Variants in SFI1 observed in about 807,000 individuals in gnomAD.
The protein encoded by SFI1 is protein SFI1 homolog.
A neutral mutation model predicts 207.5 loss-of-function variants in SFI1; 195 were observed. The observed-to-expected ratio is 0.94, with a 90% CI of 0.84 to 1.06. The LOEUF is 1.06. Ranked by LOEUF, SFI1 falls within the 50% of genes least tolerant of loss-of-function variation. The probability of loss-of-function intolerance (pLI) is 0.00; values close to 1 mark genes in which losing one functional copy is unlikely to be tolerated. For synonymous variants in SFI1, 630 were observed against 598.9 expected, an observed-to-expected ratio of 1.05 and a Z score of -0.76; for missense variants, 1,634 against 1,588.0, an observed-to-expected ratio of 1.03 and a Z score of -0.49.
At chr22:31,507,607 T>C (rs1243972764) in intron 1 of SFI1, among the ~76,000 whole-genome samples, 1 of 152,190 alleles carries the variant, frequency 6.6e-6, no homozygotes, top group Non-Finnish European at 1.5e-5. Context: ...TTTTGCACTC[T>C]GTCCATCTGA....
intron 8 of SFI1, among the ~76,000 whole-genome samples, chr22:31,564,814 A>ATTTTTTTT (rs776647555): frequency 0.18 from 19,613 of 111,182 alleles, 2,341 homozygotes; most frequent in East Asian, 0.36. Context: ...CTGGCCCAGA[A>ATTTTTTTT]TTTTTTTTTT....
chr22:31,559,889 A>G, intron 7 of SFI1: 4 of 657,332 alleles, frequency 6.1e-6, no homozygotes, highest in Non-Finnish European at 1.1e-5. Context: ...CCAGCACACC[A>G]AGACCACTGG....
chr22:31,599,856 C>T (rs2067820219), intron 15 of SFI1, among the ~76,000 whole-genome samples: 1 of 151,190 alleles, frequency 6.6e-6, no homozygotes, highest in Non-Finnish European at 1.5e-5. Flanking sequence ...TGTCCCCATC[C>T]TTGATGATAT....
At chr22:31,534,230 T>C (rs1285770473) in intron 4 of SFI1, among the ~76,000 whole-genome samples, 1 of 152,128 alleles carries the variant, frequency 6.6e-6, no homozygotes, top group African/African-American at 2.4e-5. Flanking sequence ...TGATCTCAGG[T>C]GATCTACCCA....
chr22:31,552,801 T>C (rs2060743052), intron 6 of SFI1, among the ~76,000 whole-genome samples: 2 of 152,276 alleles, frequency 1.3e-5, no homozygotes, highest in Admixed American at 1.3e-4. Flanking sequence ...ACCAGTGTGT[T>C]AAGTGTTCCC....
At chr22:31,548,024 C>G (rs1368922178) in intron 5 of SFI1, among the ~76,000 whole-genome samples, 1 of 151,182 alleles carries the variant, frequency 6.6e-6, no homozygotes, top group African/African-American at 2.4e-5. Context: ...ACCATCCTGG[C>G]TAACATGGTG....
chr22:31,584,097 G>A, intron 13 of SFI1, 125 bp downstream of exon 13: 1 of 786,316 alleles, frequency 1.3e-6, no homozygotes, highest in South Asian at 1.5e-5. Context: ...TGCTGGGGTG[G>A]AGGTCCTGCT....
Position 31,589,474 on chromosome 22 carries a change from T to A in SFI1, c.1441T>A (p.Phe481Ile). The change falls in exon 15 of 33, where the codon TTC (phenylalanine) becomes ATC (isoleucine). Residue 481 changes from phenylalanine (F) to isoleucine (I), a missense_variant. Coordinates refer to ENST00000400288, the MANE Select transcript of SFI1 (RefSeq NM_001007467.3). ...QLLQARADGH[F>I]QQRALPAAFH... ...GCTACAGGCCAGAGCGGATGGTCAT[T>A]TCCAGCAGAGAGCCCTGCCTGCTGC... The A allele has an allele frequency of 6.2e-7, 1 of 1,613,412 alleles. No homozygotes were observed. The highest frequency in any genetic ancestry group is 1.1e-5 in the South Asian group (1 of 90,942).
chr22:31,555,923 G>C (rs1470448142), intron 6 of SFI1, among the ~76,000 whole-genome samples: 1 of 152,126 alleles, frequency 6.6e-6, no homozygotes, highest in Non-Finnish European at 1.5e-5. Context: ...ACTACATCTT[G>C]GAGGCTGTCC....
chr22:31,501,484 A>G (rs1376927660), intron 1 of SFI1, among the ~76,000 whole-genome samples: 1 of 151,360 alleles, frequency 6.6e-6, no homozygotes, highest in Non-Finnish European at 1.5e-5. Context: ...TAACTTTTAT[A>G]TGAACTGGGA....
intron 21 of SFI1, 116 bp from the exon 22 acceptor site, chr22:31,607,821 G>T: frequency 1.3e-6 from 1 of 794,984 alleles, no homozygotes; most frequent in Non-Finnish European, 2.1e-6. Context: ...CCGTGTGTGA[G>T]AAGCAAATGG....
At chr22:31,519,854 G>T (rs2056998644) in intron 2 of SFI1, among the ~76,000 whole-genome samples, 1 of 152,104 alleles carries the variant, frequency 6.6e-6, no homozygotes, top group South Asian at 2.1e-4. Context: ...TGATAGGCAT[G>T]AGTCACTGCC....
chr22:31,531,216 G>C (rs1408163033), intron 4 of SFI1, 87 bp downstream of exon 4: 1 of 1,098,686 alleles, frequency 9.1e-7, no homozygotes, highest in East Asian at 2.4e-5. Flanking sequence ...CTTCATTATG[G>C]CTTGTGCTGT....
At chr22:31,554,607 CTTT>C (rs71202098) in intron 6 of SFI1, among the ~76,000 whole-genome samples, 3 of 133,306 alleles carry the variant, frequency 2.3e-5, no homozygotes, top group East Asian at 2.2e-4. Flanking sequence ...TGCGCCCAGC[CTTT>C]TTTTTTTTTT....
intron 12 of SFI1, among the ~76,000 whole-genome samples, chr22:31,583,643 A>G (rs1404225851): frequency 6.6e-6 from 1 of 152,200 alleles, no homozygotes; most frequent in African/African-American, 2.4e-5. Flanking sequence ...GGGATTAGGA[A>G]TAGCTTCTTC....
chr22:31,608,060 T>C (rs1411215296), intron 22 of SFI1, 27 bp downstream of exon 22: 5 of 1,579,044 alleles, frequency 3.2e-6, no homozygotes, highest in Non-Finnish European at 3.5e-6. Flanking sequence ...AAGCAAGTCA[T>C]GTTGAGGAAT....
intron 23 of SFI1, among the ~76,000 whole-genome samples, 168 bp from the exon 24 acceptor site, chr22:31,611,598 G>A (rs994704286): frequency 6.6e-6 from 1 of 152,188 alleles, no homozygotes; most frequent in African/African-American, 2.4e-5. Context: ...TACAGAGTGA[G>A]TCCTCTAGGC....
chr22:31,498,968 A>G (rs1440982929), intron 1 of SFI1, among the ~76,000 whole-genome samples: 1 of 151,288 alleles, frequency 6.6e-6, no homozygotes, highest in East Asian at 1.9e-4. Context: ...CGGCCTCCCA[A>G]AGTGCTGGGA....
chr22:31,604,918 A>G lies in SFI1; in HGVS notation c.2027A>G (p.Glu676Gly). ...ATCCTCCGGGAGGTGGCAGCCAGGG[A>G]GAGCCAGCACAACAGGCAGCTGCTG... The part of the protein sequence containing the change: ...RSILREVAAR[E>G]SQHNRQLLRG... The change falls in exon 20 of 33, where the codon GAG becomes GGG. Residue 676 changes from glutamate to glycine, a missense_variant. By Grantham distance (98) the Glu-to-Gly change is moderately conservative. Transcript: ENST00000400288. The G allele has an allele frequency of 1.2e-6, 2 of 1,611,304 alleles. No individual in the cohort carries two copies. The highest frequency in any genetic ancestry group is 1.1e-5 in the South Asian group (1 of 90,824).
Sources: gnomAD v4.1 joint callset for allele counts (sites outside exome capture counted in the v4.1 genomes callset) on GRCh38, gnomAD v4.1.1 for gene constraint, MANE v1.5 for transcripts, NCBI Gene and HGNC (gene_info 2026-07-23, HGNC 2026-07-21) for gene names.